The following SETD1B variants were observed in gnomAD, a reference collection of about 807,000 sequenced individuals.
SETD1B encodes the protein histone-lysine N-methyltransferase SETD1B.
A neutral mutation model predicts 148.0 loss-of-function variants in SETD1B; 7 were observed. The ratio of observed to expected loss-of-function variants is 0.05; its 90% CI spans 0.03 to 0.09. The LOEUF (loss-of-function observed/expected upper bound fraction) is 0.09. Ranked by LOEUF, SETD1B falls within the 10% of genes least tolerant of loss-of-function variation. The probability of loss-of-function intolerance (pLI) is 1.00; values close to 1 mark genes in which losing one functional copy is unlikely to be tolerated. For missense variants in SETD1B, 2,155 were observed against 2,729.9 expected, an observed-to-expected ratio of 0.79 and a Z score of 4.69; for synonymous variants, 1,361 against 1,186.5, an observed-to-expected ratio of 1.15 and a Z score of -3.02.
In SETD1B at chr12:121,814,693, C is replaced by T. The variant is rs78876751; in HGVS notation, c.2478C>T (p.Ser826=). The stretch of plus-strand genomic sequence containing the variant: ...GGGGCCCCTTCTCCCTGAGCAACTC[C>T]GGCCCAGGCCGCGGGCAGCACTGGC... ...PYRGPFSLSN[S]GPGRGQHWPP... The change falls in exon 7 of 17, where the codon TCC becomes TCT. Residue 826 remains serine, a synonymous_variant. Transcript: ENST00000604567. The T allele has an allele frequency of 1.1e-3, 1,629 of 1,550,458 alleles. 16 individuals are homozygous for T. In the African/African-American group the frequency reaches 0.02, roughly 19 times the overall value.
chr12:121,825,297 C>G lies in SETD1B; in HGVS notation c.5268C>G (p.Asp1756Glu), dbSNP rs1876787240. 2 of 1,551,898 alleles carry G rather than the reference C, an allele frequency of 1.3e-6. No homozygotes were observed. The highest frequency in any genetic ancestry group is 8.7e-7 in the Non-Finnish European group (1 of 1,147,088). The change falls in exon 13 of 17, where the codon GAC becomes GAG. Residue 1756 changes from aspartate to glutamate, a missense_variant. Physicochemically the swap from Asp to Glu is conservative, Grantham distance 45. Coordinates refer to ENST00000604567, the MANE Select transcript of SETD1B (RefSeq NM_001353345.2). ...CARSEGFYTI[D>E]KKDKLRYLNS... ...GCAGTGAGGGCTTCTACACCATCGA[C>G]AAGAAGGACAAGCTCAGATACCTCA... is the stretch of plus-strand genomic sequence containing the variant.
rs558313529 is a variant in SETD1B at position 121,804,446 on chromosome 12, G to A, written c.-15+213G>A. On this transcript the variant is annotated intron_variant, in intron 1 of 16. Transcript: ENST00000604567. The surrounding 1 kb of genome is among the most constrained non-coding windows in gnomAD (Gnocchi z 4.6). Reference sequence around the variant, plus strand: ...CCATGGGCCGGAGTCCGCGTCCTCCGGGCGCCCCGGGCCCCGCCAGCCCGC... The same window carrying A: ...CCATGGGCCGGAGTCCGCGTCCTCCAGGCGCCCCGGGCCCCGCCAGCCCGC... Among the ~76,000 whole-genome samples the A allele has an allele frequency of 1.3e-5, 2 of 149,664 alleles. No individual in the cohort carries two copies. The highest frequency in any genetic ancestry group is 2.1e-4 in the South Asian group (1 of 4,798).
chr12:121,826,673 G>T (rs571220318), intron 13 of SETD1B, among the ~76,000 whole-genome samples: 25 of 152,224 alleles, frequency 1.6e-4, no homozygotes, highest in Admixed American at 3.9e-4. Context: ...CTGGTGCAGG[G>T]GTCCTGAGGG....
intron 13 of SETD1B, among the ~76,000 whole-genome samples, chr12:121,827,247 G>A (rs1725191617): frequency 6.6e-6 from 1 of 152,148 alleles, no homozygotes; most frequent in African/African-American, 2.4e-5. Context: ...CAAGGAGGGG[G>A]TCAGGGTAGA....
intron 10 of SETD1B, among the ~76,000 whole-genome samples, chr12:121,818,204 C>A (rs576282157): frequency 2.4e-4 from 36 of 152,208 alleles, no homozygotes; most frequent in African/African-American, 7.5e-4. Context: ...TACTTAGGGA[C>A]CAGATCGAGG....
chr12:121,793,815 G>T, the SETD1B span: 2 of 511,716 alleles, frequency 3.9e-6, no homozygotes, highest in Non-Finnish European at 6.7e-6. Flanking sequence ...CCTGGGTGTG[G>T]GTATTCAGCT....
At position 121,827,544 on chromosome 12, in the gene SETD1B, A is replaced by G; in HGVS notation, c.5363A>G (p.His1788Arg). 6.5e-7 allele frequency: 1 copy of G among 1,546,286 alleles called. No individual in the cohort carries two copies. Among genetic ancestry groups the G allele is most frequent in the Non-Finnish European group, 8.7e-7 (1 of 1,146,444 alleles). ...GGCATGAGCATCCCAGCACAGCCCCACGCCTCCACCCGGGCAGGCTCGGAG... is the reference window on the plus strand; with the variant it reads ...GGCATGAGCATCCCAGCACAGCCCCGCGCCTCCACCCGGGCAGGCTCGGAG... ...TQGMSIPAQP[H>R]ASTRAGSERR... is the part of the protein sequence containing the mutation. The change falls in exon 14 of 17, where the codon CAC (histidine) becomes CGC (arginine). Residue 1788 changes from histidine (H) to arginine (R), a missense_variant. His to Arg is a conservative substitution (Grantham distance 29). Coordinates refer to ENST00000604567, the MANE Select transcript of SETD1B (RefSeq NM_001353345.2).
rs1368224315 is a variant in SETD1B, at chr12:121,817,450, C to T, written c.3058C>T (p.Arg1020Trp). The T allele has an allele frequency of 6.5e-6, 10 of 1,546,038 alleles. No individual in the cohort carries two copies. Among genetic ancestry groups the T allele is most frequent in the African/African-American group, 1.4e-5 (1 of 72,960 alleles). Residue 1020 changes from arginine (R) to tryptophan (W), a missense_variant, in exon 9 of 17, where the codon CGG (arginine) becomes TGG (tryptophan). Physicochemically the swap from Arg to Trp is moderately radical, Grantham distance 101. Coordinates refer to ENST00000604567, the MANE Select transcript of SETD1B (RefSeq NM_001353345.2). The surrounding 1 kb of genome is among the most constrained non-coding windows in gnomAD (Gnocchi z 8.1). The stretch of plus-strand genomic sequence containing the variant: ...GCGGGACCCCAAGGGCGTGGGTGTG[C>T]GGCGGCGGCCGGCGCGGCCTCTGGA... ...AKRDPKGVGV[R>W]RRPARPLELD...
In SETD1B at chr12:121,808,509, C is replaced by G. The variant is rs1274377368; in HGVS notation, c.657+189C>G. Among the ~76,000 whole-genome samples, 1 of 152,208 alleles carries G rather than the reference C, an allele frequency of 6.6e-6. No individual in the cohort carries two copies. Among genetic ancestry groups the G allele is most frequent in the African/African-American group, 2.4e-5 (1 of 41,450 alleles). ...ACAATTGGGAGCAGGGCCTAGAGCCCCATTTTCCCAAGTGCTCCTGCAGTA... is the reference window on the plus strand; with the variant it reads ...ACAATTGGGAGCAGGGCCTAGAGCCGCATTTTCCCAAGTGCTCCTGCAGTA... On this transcript the variant is annotated intron_variant, in intron 5 of 16. Transcript: ENST00000604567. This position sits in a 1 kb window ranked among gnomAD's most constrained non-coding sequence, Gnocchi z 5.3.
intron 4 of SETD1B, among the ~76,000 whole-genome samples, chr12:121,806,468 T>G (rs1328192319): frequency 6.6e-6 from 1 of 152,106 alleles, no homozygotes; most frequent in Non-Finnish European, 1.5e-5. Context: ...TGTTTACTTG[T>G]GGGGGACTGA....
upstream of SETD1B, chr12:121,799,619 G>A (rs1785151231): frequency 6.6e-6 from 1 of 151,570 alleles, no homozygotes. Flanking sequence ...TGCTATATTC[G>A]GCAGAGACTT....
Position 121,822,499 on chromosome 12 carries a change from T to C in SETD1B, c.3920T>C (p.Leu1307Pro). 6.5e-7 allele frequency: 1 copy of C among 1,544,380 alleles called. No individual in the cohort carries two copies. The highest frequency in any genetic ancestry group is 1.2e-5 in the South Asian group (1 of 83,516). ...LSPERAPEHD[L>P]EVEPEPPMML... ...GCTCACCTCTCTGCAGAACATGACC[T>C]GGAAGTGGAGCCGGAGCCCCCTATG... Residue 1307 changes from leucine (L) to proline (P), a missense_variant, in exon 12 of 17, where the codon CTG becomes CCG. Physicochemically the swap from Leu to Pro is moderately conservative, Grantham distance 98. Transcript: ENST00000604567.
chr12:121,808,544 G>A lies in SETD1B; in HGVS notation c.657+224G>A, dbSNP rs1161717470. Among the ~76,000 whole-genome samples the A allele has an allele frequency of 6.6e-6, 1 of 152,258 alleles. No individual in the cohort carries two copies. The highest frequency in any genetic ancestry group is 1.5e-5 in the Non-Finnish European group (1 of 68,042). The stretch of plus-strand genomic sequence containing the variant: ...AAGTGCTCCTGCAGTAGGGCTCCAT[G>A]GGATTGGTTCTGTTTCCTGTGGCTT... On this transcript the variant is annotated intron_variant, in intron 5 of 16. Transcript: ENST00000604567. The surrounding 1 kb of genome is among the most constrained non-coding windows in gnomAD (Gnocchi z 5.3).
At chr12:121,809,126 G>A (rs945988686) in intron 5 of SETD1B, among the ~76,000 whole-genome samples, 2 of 152,076 alleles carry the variant, frequency 1.3e-5, no homozygotes, top group Non-Finnish European at 1.5e-5. Context: ...CACCTGCCTC[G>A]GCTTCCCAAA....
At chr12:121,814,031 G>C (rs1592980380) in intron 6 of SETD1B, 75 bp from the exon 7 acceptor site, 1 of 1,235,472 alleles carries the variant, frequency 8.1e-7, no homozygotes, top group Admixed American at 2.2e-5. Flanking sequence ...CTGATTGCTA[G>C]TCTTGCAGAG....
At position 121,817,899 on chromosome 12, in the gene SETD1B, A is replaced by T; in HGVS notation, c.3413A>T (p.Asp1138Val). The change falls in exon 10 of 17, where the codon GAT becomes GTT. Residue 1138 changes from aspartate to valine, a missense_variant. Around this residue, in one of 11 missense-constraint regions of SETD1B, gnomAD observed 862 missense variants for 873.8 expected, o/e 0.99. Coordinates refer to ENST00000604567, the MANE Select transcript of SETD1B (RefSeq NM_001353345.2). The surrounding 1 kb of genome is among the most constrained non-coding windows in gnomAD (Gnocchi z 8.1). ...AGTGAGAAGGACGAAGGGGACTCGG[A>T]TGAAGGTGAGCAGGGAGGCCGTGGC... ...EASEKDEGDS[D>V]EEETVSIVTS... The T allele has an allele frequency of 1.9e-6, 3 of 1,545,588 alleles. No homozygotes were observed. Among genetic ancestry groups the T allele is most frequent in the Non-Finnish European group, 2.6e-6 (3 of 1,143,906 alleles).
In SETD1B at chr12:121,823,305, A is replaced by G; in HGVS notation, c.4726A>G (p.Asn1576Asp). The change falls in exon 12 of 17, where the codon AAC (asparagine) becomes GAC (aspartate). Residue 1576 changes from asparagine to aspartate, a missense_variant. Asn to Asp is a conservative substitution (Grantham distance 23). This residue lies in a region of SETD1B where 862 missense variants were observed against 873.8 expected (regional missense o/e 0.99). Coordinates refer to ENST00000604567, the MANE Select transcript of SETD1B (RefSeq NM_001353345.2). ...CCGGACGGTGACCCTGGACTTCCGGAACGCGGGGATCCCAGCCCCTCCACC... is the reference window on the plus strand; with the variant it reads ...CCGGACGGTGACCCTGGACTTCCGGGACGCGGGGATCCCAGCCCCTCCACC... ...DPRTVTLDFR[N>D]AGIPAPPPPL... 6.5e-7 allele frequency: 1 copy of G among 1,548,026 alleles called. No homozygotes were observed. Among genetic ancestry groups the G allele is most frequent in the Non-Finnish European group, 8.7e-7 (1 of 1,146,380 alleles).
At position 121,808,164 on chromosome 12, in the gene SETD1B, A is replaced by G; in HGVS notation, c.545-44A>G. 1 of 1,475,218 alleles carries G rather than the reference A, an allele frequency of 6.8e-7. No homozygotes were observed. The allele number at this position is 1,475,218 out of a possible 1,614,324, so 91.4% of individuals were successfully genotyped here. A position where few individuals can be genotyped will look rare whatever the true frequency, so the allele number is the denominator to read the frequency against. ...TTGGAATCCTTGTGGGGGCTGCCCCATCCTGGAACCTCACTGAGTTCCCCC... is the reference window on the plus strand; with the variant it reads ...TTGGAATCCTTGTGGGGGCTGCCCCGTCCTGGAACCTCACTGAGTTCCCCC... On this transcript the variant is annotated intron_variant, in intron 4 of 16. Transcript: ENST00000604567. This position sits in a 1 kb window ranked among gnomAD's most constrained non-coding sequence, Gnocchi z 5.3.
intron 11 of SETD1B, among the ~76,000 whole-genome samples, chr12:121,821,283 T>G (rs1185667181): frequency 6.6e-6 from 1 of 151,624 alleles, no homozygotes; most frequent in Admixed American, 6.6e-5. Flanking sequence ...AACAGATCAA[T>G]TAGAAAATGA....
Sources: allele counts gnomAD v4.1 joint callset (sites outside exome capture counted in the v4.1 genomes callset), GRCh38; gene constraint gnomAD v4.1.1; regional missense constraint gnomAD v4.1.1; non-coding constraint Gnocchi (gnomAD v3.1); transcripts MANE v1.5; gene names NCBI Gene and HGNC (gene_info 2026-07-23, HGNC 2026-07-21).